Variants in RANBP2 observed in about 807,000 individuals in gnomAD.
RANBP2 encodes E3 SUMO-protein ligase RanBP2.
RANBP2 carries 57 observed loss-of-function variants against 303.6 expected under a neutral mutation model. The observed-to-expected ratio is 0.19, with a 90% CI of 0.15 to 0.23. The LOEUF (loss-of-function observed/expected upper bound fraction) is 0.23. Among genes scored for constraint, RANBP2 ranks in the 10% least tolerant of loss-of-function variants. The pLI, the probability that RANBP2 is intolerant of heterozygous loss-of-function variation, is 1.00. For missense variants in RANBP2, 3,138 were observed against 3,780.8 expected, an observed-to-expected ratio of 0.83 and a Z score of 4.46; for synonymous variants, 1,167 against 1,301.5, an observed-to-expected ratio of 0.90 and a Z score of 2.23.
At chr2:109,341,924 GA>G in the RANBP2 span, among the ~76,000 whole-genome samples, 1 of 152,206 alleles carries the variant, frequency 6.6e-6, no homozygotes, top group Non-Finnish European at 1.5e-5. Context: ...TATTCTGACA[GA>G]CAAAAGAAGC....
At chr2:108,906,142 G>C in the RANBP2 span, among the ~76,000 whole-genome samples, 1 of 152,214 alleles carries the variant, frequency 6.6e-6, no homozygotes, top group Non-Finnish European at 1.5e-5. Context: ...ACAAGATTCT[G>C]TTTCCCCACA....
the RANBP2 span, among the ~76,000 whole-genome samples, chr2:108,870,910 ATTTAC>A: frequency 7.1e-3 from 1,076 of 152,348 alleles, 10 homozygotes; most frequent in African/African-American, 0.024. Context: ...AGTAATGTGA[ATTTAC>A]TTAATACCAC....
chr2:109,360,221 T>A, the RANBP2 span, among the ~76,000 whole-genome samples: 3 of 152,244 alleles, frequency 2.0e-5, no homozygotes, highest in Admixed American at 2.0e-4. Flanking sequence ...TCTGAACATG[T>A]AATTTTTTTC....
At chr2:109,528,890 C>T in the RANBP2 span, among the ~76,000 whole-genome samples, 2 of 152,144 alleles carry the variant, frequency 1.3e-5, no homozygotes, top group Non-Finnish European at 2.9e-5. Context: ...TCGGTGTAGG[C>T]CGGCACGAAC....
the RANBP2 span, among the ~76,000 whole-genome samples, chr2:109,275,215 A>G: frequency 6.6e-6 from 1 of 152,186 alleles, no homozygotes; most frequent in Non-Finnish European, 1.5e-5. Context: ...TGCTGCATAC[A>G]GTGAGGCCCC....
the RANBP2 span, among the ~76,000 whole-genome samples, chr2:108,963,500 C>T: frequency 6.6e-6 from 1 of 152,104 alleles, no homozygotes; most frequent in African/African-American, 2.4e-5. Context: ...TCCCATGTCC[C>T]CGTTACCCAA....
At chr2:108,821,806 G>A in the RANBP2 span, among the ~76,000 whole-genome samples, 42 of 151,724 alleles carry the variant, frequency 2.8e-4, no homozygotes, top group Non-Finnish European at 2.4e-4. Flanking sequence ...TTAGCCGGGC[G>A]TAGTGGTGGG....
chr2:109,567,725 A>T, the RANBP2 span: 1 of 1,225,778 alleles, frequency 8.2e-7, no homozygotes, highest in Admixed American at 2.7e-5. Flanking sequence ...TGGAAGACAC[A>T]AGTGAAAGTG....
the RANBP2 span, among the ~76,000 whole-genome samples, chr2:109,369,945 C>T: frequency 6.6e-6 from 1 of 152,214 alleles, no homozygotes; most frequent in Non-Finnish European, 1.5e-5. Context: ...GGGTGGTGCA[C>T]TCAGCTCTGA....
chr2:109,517,858 T>G, the RANBP2 span, among the ~76,000 whole-genome samples: 1 of 152,172 alleles, frequency 6.6e-6, no homozygotes, highest in Admixed American at 6.5e-5. Flanking sequence ...CTAGGAAGCC[T>G]AGATAACGAC....
chr2:109,162,978 CCT>C, the RANBP2 span, among the ~76,000 whole-genome samples: 2 of 152,174 alleles, frequency 1.3e-5, 1 homozygote, highest in African/African-American at 4.8e-5. Context: ...GGATTTGCAC[CCT>C]CTCTGACTGA....
chr2:108,896,001 TAA>T, the RANBP2 span: 1 of 152,242 alleles, frequency 6.6e-6, no homozygotes, highest in East Asian at 1.9e-4. Flanking sequence ...CATTATAATT[TAA>T]ATTGCTGTGT....
the RANBP2 span, among the ~76,000 whole-genome samples, chr2:109,409,896 C>G: frequency 2.0e-5 from 3 of 152,018 alleles, no homozygotes; most frequent in East Asian, 3.9e-4. Context: ...TTTCACTGCT[C>G]CTTGGGGTGA....
the RANBP2 span, among the ~76,000 whole-genome samples, chr2:109,572,324 G>A: frequency 2.0e-5 from 3 of 152,114 alleles, no homozygotes; most frequent in African/African-American, 7.2e-5. Context: ...TAGTAGAGAC[G>A]GGGTTTCACC....
chr2:108,885,732 C>A, the RANBP2 span, among the ~76,000 whole-genome samples: 1 of 152,196 alleles, frequency 6.6e-6, no homozygotes, highest in Admixed American at 6.5e-5. Context: ...TGTTTGTACA[C>A]TTTAACCCAG....
At chr2:108,934,457 C>T in the RANBP2 span, among the ~76,000 whole-genome samples, 1 of 152,298 alleles carries the variant, frequency 6.6e-6, no homozygotes, top group East Asian at 1.9e-4. Context: ...GCTCCAGCCT[C>T]GTGCACACTG....
chr2:109,613,074 G>T, the RANBP2 span: 2 of 622,270 alleles, frequency 3.2e-6, no homozygotes, highest in Non-Finnish European at 5.3e-6. Flanking sequence ...GAATACACAG[G>T]CATCGGGCCT....
chr2:109,443,017 A>G, the RANBP2 span, among the ~76,000 whole-genome samples: 3 of 152,256 alleles, frequency 2.0e-5, no homozygotes, highest in Non-Finnish European at 2.9e-5. Flanking sequence ...AAGTGAAGGG[A>G]TGGAACAAGT....
the RANBP2 span, among the ~76,000 whole-genome samples, chr2:108,856,202 G>T: frequency 6.6e-6 from 1 of 152,146 alleles, no homozygotes; most frequent in East Asian, 1.9e-4. Flanking sequence ...TCTGATTCAG[G>T]AGTTGTCACA....
Sources: allele counts gnomAD v4.1 joint callset (sites outside exome capture counted in the v4.1 genomes callset), GRCh38; gene constraint gnomAD v4.1.1; transcripts MANE v1.5; gene names NCBI Gene and HGNC (gene_info 2026-07-23, HGNC 2026-07-21).